The following ZNF131 variants were observed in gnomAD, a reference collection of about 807,000 sequenced individuals.
ZNF131 encodes zinc finger protein 131.
A neutral mutation model predicts 60.0 loss-of-function variants in ZNF131; 7 were observed. The observed-to-expected ratio is 0.12, with a 90% CI of 0.07 to 0.22. ZNF131 has a LOEUF of 0.22. Ranked by LOEUF, ZNF131 falls within the 10% of genes least tolerant of loss-of-function variation. ZNF131 has a pLI of 1.00. For synonymous variants in ZNF131, 257 were observed against 253.2 expected (o/e 1.01, Z -0.14); for missense variants, 493 against 740.9 (o/e 0.67, Z 3.88).
chr5:43,144,684 T>C (rs1317359148), intron 4 of ZNF131, among the ~76,000 whole-genome samples: 2 of 152,158 alleles, frequency 1.3e-5, no homozygotes. Flanking sequence ...AAATGTCTTG[T>C]GTTTAAGGCT....
intron 5 of ZNF131, among the ~76,000 whole-genome samples, chr5:43,162,962 TA>T (rs1371873215): frequency 0.034 from 4,070 of 119,774 alleles, 207 homozygotes; most frequent in Non-Finnish European, 0.051. Context: ...TCTTTTCTTT[TA>T]TTTGCCTTTT....
intron 2 of ZNF131, 139 bp downstream of exon 2, chr5:43,122,316 A>C (rs1046347391): frequency 4.9e-5 from 53 of 1,072,612 alleles, no homozygotes; most frequent in Non-Finnish European, 6.8e-5. Flanking sequence ...GAGTGTGTGC[A>C]CTGGGACCAG....
rs570027361 is a variant in ZNF131 at position 43,132,057 on chromosome 5, T to A, written c.227-7108T>A. ...GTAAAGTATTTAGAGCCTTGCTTTA[T>A]ATGTATATAGTAAGTGTTACGTATG... On this transcript the variant is annotated intron_variant, in intron 3 of 6. Coordinates refer to ENST00000682664, the MANE Select transcript of ZNF131 (RefSeq NM_001330707.2). 5.1e-4 allele frequency among the ~76,000 whole-genome samples: 78 copies of A among 152,366 alleles called. No homozygotes were observed. The South Asian group carries it at 0.016, about 31-fold the overall frequency.
chr5:43,142,547 A>G (rs943078052), intron 4 of ZNF131, among the ~76,000 whole-genome samples: 21 of 151,640 alleles, frequency 1.4e-4, no homozygotes, highest in Non-Finnish European at 2.9e-4. Context: ...CTCGTGATCC[A>G]CCTGCCTCGA....
intron 5 of ZNF131, among the ~76,000 whole-genome samples, chr5:43,165,524 CAGTG>C (rs755456184): frequency 1.3e-5 from 2 of 152,306 alleles, no homozygotes; most frequent in African/African-American, 2.4e-5. Flanking sequence ...GCTGCATTGT[CAGTG>C]AGCAGTAGTA....
intron 4 of ZNF131, among the ~76,000 whole-genome samples, chr5:43,140,233 AAG>A (rs1490433260): frequency 6.6e-6 from 1 of 152,194 alleles, no homozygotes; most frequent in Non-Finnish European, 1.5e-5. Context: ...TTTTTTAAAA[AAG>A]AGAAAACGTG....
chr5:43,152,003 T>G, intron 4 of ZNF131, among the ~76,000 whole-genome samples: 1 of 84 alleles, frequency 0.012, no homozygotes, highest in Admixed American at 0.25. Flanking sequence ...TCTTTCCTAT[T>G]TATTTATTTA....
At chr5:43,138,471 G>A (rs1177763211) in intron 3 of ZNF131, among the ~76,000 whole-genome samples, 1 of 152,106 alleles carries the variant, frequency 6.6e-6, no homozygotes, top group African/African-American at 2.4e-5. Context: ...TGACCAACAT[G>A]GGGAAACCCC....
intron 4 of ZNF131, among the ~76,000 whole-genome samples, chr5:43,148,919 C>T (rs1382348827): frequency 6.6e-6 from 1 of 152,152 alleles, no homozygotes; most frequent in Non-Finnish European, 1.5e-5. Context: ...TATCTTCATC[C>T]CTACAATTTT....
At chr5:43,122,524 A>G (rs1744000322) in intron 2 of ZNF131, among the ~76,000 whole-genome samples, 1 of 152,292 alleles carries the variant, frequency 6.6e-6, no homozygotes, top group Admixed American at 6.5e-5. Flanking sequence ...AGTCCCTTAC[A>G]GGAGTCATTT....
intron 3 of ZNF131, among the ~76,000 whole-genome samples, chr5:43,131,890 C>T (rs1455536244): frequency 7.9e-5 from 12 of 151,588 alleles, no homozygotes; most frequent in African/African-American, 2.9e-4. Flanking sequence ...TATCTTCAAA[C>T]TTTTCCAAGC....
chr5:43,161,196 G>C, intron 4 of ZNF131, 53 bp from the exon 5 acceptor site: 1 of 1,480,168 alleles, frequency 6.8e-7, no homozygotes, highest in East Asian at 2.3e-5. Context: ...CTTCAAAAAA[G>C]CCTGGTAGGA....
At chr5:43,137,138 C>G (rs982493234) in intron 3 of ZNF131, among the ~76,000 whole-genome samples, 1 of 152,146 alleles carries the variant, frequency 6.6e-6, no homozygotes, top group Non-Finnish European at 1.5e-5. Context: ...GGAAGCTTCA[C>G]CACATCATTC....
Position 43,174,570 on chromosome 5 carries a change from A to C in ZNF131, c.1309A>C (p.Arg437=). ...LWFMQGNELR[R]HLSDAHNISE... ...GTTTATGCAAGGAAATGAATTAAGGAGGCATCTCAGTGATGCTCACAATAT... is the reference window on the plus strand; with the variant it reads ...GTTTATGCAAGGAAATGAATTAAGGCGGCATCTCAGTGATGCTCACAATAT... Residue 437 remains arginine (R), a synonymous_variant, in exon 7 of 7, where the codon AGG becomes CGG. Coordinates refer to ENST00000682664, the MANE Select transcript of ZNF131 (RefSeq NM_001330707.2). The C allele has an allele frequency of 6.8e-6, 11 of 1,611,048 alleles. No homozygotes were observed. Among genetic ancestry groups the C allele is most frequent in the Non-Finnish European group, 9.3e-6 (11 of 1,178,354 alleles).
chr5:43,175,454 A>G lies in ZNF131; in HGVS notation c.*321A>G. Reference sequence around the variant, plus strand: ...AAAAGTTCTTCCTTTTCTCTTTCCCAGGTCATGTTCTTCCTCAAATTTTTT... The same window carrying G: ...AAAAGTTCTTCCTTTTCTCTTTCCCGGGTCATGTTCTTCCTCAAATTTTTT... On this transcript the variant is annotated 3_prime_UTR_variant, in exon 7 of 7. Transcript: ENST00000682664. The G allele has an allele frequency of 2.9e-6, 2 of 699,566 alleles. No individual in the cohort carries two copies. Among genetic ancestry groups the G allele is most frequent in the South Asian group, 1.5e-5 (1 of 66,742 alleles). 43.3% of individuals were successfully genotyped at this position (699,566 alleles called of 1,614,324 possible). A position where few individuals can be genotyped will look rare whatever the true frequency, so the allele number is the denominator to read the frequency against.
intron 5 of ZNF131, among the ~76,000 whole-genome samples, chr5:43,166,508 C>T (rs140450412): frequency 0.012 from 1,801 of 151,384 alleles, 32 homozygotes; most frequent in African/African-American, 0.042. Context: ...CTACAGGTGC[C>T]CGCTACCATG....
At chr5:43,121,816 C>T in intron 1 of ZNF131, 1 of 365,172 alleles carries the variant, frequency 2.7e-6, no homozygotes, top group Non-Finnish European at 4.9e-6. Flanking sequence ...TCGCGTCTCC[C>T]GACTCCAATT....
chr5:43,125,646 G>C (rs556988168), intron 3 of ZNF131, among the ~76,000 whole-genome samples: 4 of 151,864 alleles, frequency 2.6e-5, no homozygotes, highest in East Asian at 2.0e-4. Context: ...CGGGCGTGGT[G>C]GTGGGCACCT....
intron 5 of ZNF131, among the ~76,000 whole-genome samples, chr5:43,166,117 C>T (rs1407019607): frequency 6.6e-6 from 1 of 152,178 alleles, no homozygotes. Context: ...ATGTTTGTTT[C>T]GTTTAATCTT....
Sources: gnomAD v4.1 joint callset for allele counts (sites outside exome capture counted in the v4.1 genomes callset) on GRCh38, gnomAD v4.1.1 for gene constraint, MANE v1.5 for transcripts, NCBI Gene and HGNC (gene_info 2026-07-23, HGNC 2026-07-21) for gene names.